NELL1: variants seen among roughly 807,000 people sequenced by gnomAD.
NELL1 encodes neural EGFL like 1, also known as protein kinase C-binding protein NELL1.
NELL1 carries 76 observed loss-of-function variants against 107.4 expected under a neutral mutation model. That is an observed-to-expected ratio of 0.71 (90% confidence interval 0.59 to 0.86). The LOEUF is 0.86. Among genes scored for constraint, NELL1 ranks in the 40% least tolerant of loss-of-function variants. NELL1 has a pLI of 0.00. For synonymous variants in NELL1, 353 were observed against 341.2 expected (o/e 1.03, Z -0.38); for missense variants, 1,024 against 1,005.5 (o/e 1.02, Z -0.25).
At chr11:21,314,660 C>T (rs908254692) in intron 14 of NELL1, among the ~76,000 whole-genome samples, 11 of 152,012 alleles carry the variant, frequency 7.2e-5, no homozygotes, top group African/African-American at 1.2e-4. Flanking sequence ...GCCTGGAGTA[C>T]GAAAAGCAGA....
intron 15 of NELL1, among the ~76,000 whole-genome samples, chr11:21,375,545 G>A (rs994264464): frequency 6.6e-6 from 1 of 152,216 alleles, no homozygotes; most frequent in Admixed American, 6.5e-5. Flanking sequence ...TTGGTAGAAA[G>A]ATTTGTTTTA....
intron 7 of NELL1, among the ~76,000 whole-genome samples, chr11:20,924,070 A>G (rs1850438106): frequency 6.6e-6 from 1 of 152,238 alleles, no homozygotes; most frequent in South Asian, 2.1e-4. Flanking sequence ...ATAGAGATGT[A>G]GATGTGATAC....
chr11:20,857,688 A>G (rs11025789), intron 4 of NELL1, among the ~76,000 whole-genome samples: 2 of 152,198 alleles, frequency 1.3e-5, no homozygotes, highest in Admixed American at 1.3e-4. Context: ...GACGCTGCCC[A>G]GGTTTAGAAG....
At chr11:21,483,957 T>A (rs1303737204) in intron 15 of NELL1, among the ~76,000 whole-genome samples, 1 of 137,704 alleles carries the variant, frequency 7.3e-6, no homozygotes, top group Non-Finnish European at 1.6e-5. Flanking sequence ...AACCAAACAA[T>A]ATCCCATTAT....
chr11:21,470,857 T>C (rs911352944), intron 15 of NELL1, among the ~76,000 whole-genome samples: 3 of 152,114 alleles, frequency 2.0e-5, no homozygotes, highest in Non-Finnish European at 2.9e-5. Context: ...GGACAAAGGA[T>C]TTAAACTCTC....
intron 13 of NELL1, among the ~76,000 whole-genome samples, chr11:21,115,920 T>C (rs1855225150): frequency 6.6e-6 from 1 of 152,006 alleles, no homozygotes; most frequent in African/African-American, 2.4e-5. Flanking sequence ...GTGAGGTTTT[T>C]TTTTCTTTAA....
At chr11:20,997,949 G>A (rs1302378211) in intron 12 of NELL1, among the ~76,000 whole-genome samples, 1 of 152,020 alleles carries the variant, frequency 6.6e-6, no homozygotes, top group Non-Finnish European at 1.5e-5. Flanking sequence ...TCCAGCCTGG[G>A]TGATAGACCA....
At chr11:20,730,078 A>C (rs934463888) in intron 2 of NELL1, among the ~76,000 whole-genome samples, 1 of 152,210 alleles carries the variant, frequency 6.6e-6, no homozygotes, top group Non-Finnish European at 1.5e-5. Flanking sequence ...CGTTGAAACA[A>C]ATAATCAAAG....
intron 2 of NELL1, among the ~76,000 whole-genome samples, chr11:20,740,855 G>A (rs539002645): frequency 1.3e-5 from 2 of 151,738 alleles, no homozygotes; most frequent in African/African-American, 4.8e-5. Context: ...CAAACTCCTG[G>A]GCCCAAGTGA....
At chr11:20,823,026 C>T (rs1489338866) in intron 3 of NELL1, among the ~76,000 whole-genome samples, 1 of 140,540 alleles carries the variant, frequency 7.1e-6, no homozygotes, top group Non-Finnish European at 1.7e-5. Context: ...CATAAATGAA[C>T]CATGAAGGAA....
intron 3 of NELL1, among the ~76,000 whole-genome samples, chr11:20,842,189 C>A (rs1271710659): frequency 1.3e-5 from 2 of 151,936 alleles, no homozygotes; most frequent in African/African-American, 2.4e-5. Context: ...CCAGCCTGGC[C>A]AAAATGGTGA....
At chr11:21,486,959 G>T (rs74540416) in intron 15 of NELL1, among the ~76,000 whole-genome samples, 9,170 of 152,174 alleles carry the variant, frequency 0.06, 336 homozygotes, top group African/African-American at 0.094. Flanking sequence ...CAAAGACTTT[G>T]TGGTGTTTGG....
chr11:20,716,988 A>G (rs897498571), intron 2 of NELL1, among the ~76,000 whole-genome samples: 1 of 152,228 alleles, frequency 6.6e-6, no homozygotes, highest in African/African-American at 2.4e-5. Flanking sequence ...CTAGTTCATT[A>G]GTTTGAACTA....
At chr11:20,705,329 G>A (rs1472314291) in intron 2 of NELL1, among the ~76,000 whole-genome samples, 1 of 151,982 alleles carries the variant, frequency 6.6e-6, no homozygotes, top group African/African-American at 2.4e-5. Context: ...ATAGACCAAT[G>A]GAACAGAACA....
At chr11:20,943,239 T>C (rs74578408) in intron 10 of NELL1, among the ~76,000 whole-genome samples, 5,428 of 152,292 alleles carry the variant, frequency 0.036, 126 homozygotes, top group East Asian at 0.084. Context: ...GAAAGAGTTA[T>C]TGACAATAAT....
At chr11:21,037,413 T>C (rs962495185) in intron 12 of NELL1, among the ~76,000 whole-genome samples, 2 of 152,090 alleles carry the variant, frequency 1.3e-5, no homozygotes, top group African/African-American at 4.8e-5. Flanking sequence ...AAACTGTCAG[T>C]GTAGGCCTGT....
intron 14 of NELL1, among the ~76,000 whole-genome samples, chr11:21,274,518 C>G (rs190078862): frequency 2.0e-5 from 3 of 152,162 alleles, no homozygotes; most frequent in East Asian, 3.9e-4. Context: ...ACGATATCCA[C>G]GAATTGAACT....
Position 21,446,848 on chromosome 11 carries a change from T to G in NELL1, c.1645+75900T>G, listed in dbSNP as rs549553657. 7.2e-5 allele frequency among the ~76,000 whole-genome samples: 11 copies of G among 152,344 alleles called. No homozygotes were observed. In the South Asian group the frequency reaches 2.1e-3, roughly 29 times the overall value. On this transcript the variant is annotated intron_variant, in intron 15 of 19. Transcript: ENST00000357134. The stretch of plus-strand genomic sequence containing the variant: ...TGTGAGGCCAGCCAGTCTTGTTCCT[T>G]CCTTTCAGGGTGATGAGTTCTACCA...
intron 15 of NELL1, among the ~76,000 whole-genome samples, chr11:21,418,772 G>T (rs962190630): frequency 6.6e-6 from 1 of 152,070 alleles, no homozygotes. Flanking sequence ...CCATTGCATA[G>T]TTCAGCTACC....
Sources: allele counts gnomAD v4.1 joint callset (sites outside exome capture counted in the v4.1 genomes callset), GRCh38; gene constraint gnomAD v4.1.1; transcripts MANE v1.5; gene names NCBI Gene and HGNC (gene_info 2026-07-23, HGNC 2026-07-21).